Variants in CCDC192 observed in about 807,000 individuals in gnomAD.
CCDC192 encodes the protein coiled-coil domain-containing protein 192.
chr5:127,834,151 C>T (rs749989357), intron 5 of CCDC192, among the ~76,000 whole-genome samples: 8 of 152,120 alleles, frequency 5.3e-5, no homozygotes, highest in Non-Finnish European at 8.8e-5. Flanking sequence ...TGTACCTAGA[C>T]CCTTATCAGC....
chr5:127,853,696 T>C (rs1014117706), intron 5 of CCDC192, among the ~76,000 whole-genome samples: 1 of 151,992 alleles, frequency 6.6e-6, no homozygotes, highest in East Asian at 1.9e-4. Flanking sequence ...TTGCTTGAAC[T>C]TGGGAGGCAG....
At chr5:127,829,971 G>A (rs1749710590) in intron 5 of CCDC192, among the ~76,000 whole-genome samples, 1 of 152,084 alleles carries the variant, frequency 6.6e-6, no homozygotes, top group South Asian at 2.1e-4. Flanking sequence ...TTTGCATTGT[G>A]AAATGGAATG....
At chr5:127,898,887 A>G (rs1319351330) in intron 6 of CCDC192, among the ~76,000 whole-genome samples, 2 of 152,170 alleles carry the variant, frequency 1.3e-5, no homozygotes, top group African/African-American at 2.4e-5. Context: ...TAAGGTACAC[A>G]AGTCATATCT....
intron 5 of CCDC192, among the ~76,000 whole-genome samples, chr5:127,852,894 C>T (rs1750864341): frequency 6.6e-6 from 1 of 152,072 alleles, no homozygotes; most frequent in Admixed American, 6.5e-5. Context: ...TAGAGACCAT[C>T]CTGGCTAACA....
intron 6 of CCDC192, among the ~76,000 whole-genome samples, chr5:127,919,723 C>T (rs373900084): frequency 4.6e-5 from 7 of 152,250 alleles, no homozygotes; most frequent in East Asian, 1.9e-4. Context: ...AAAGCATCCT[C>T]TCCAAAATCA....
At chr5:127,866,939 GCA>G (rs1751639107) in intron 5 of CCDC192, among the ~76,000 whole-genome samples, 2 of 152,070 alleles carry the variant, frequency 1.3e-5, no homozygotes, top group African/African-American at 4.8e-5. Context: ...GCTGTTATAA[GCA>G]TCATTTCTCC....
chr5:127,827,518 T>A (rs1164425743), intron 5 of CCDC192, among the ~76,000 whole-genome samples: 1 of 152,226 alleles, frequency 6.6e-6, no homozygotes, highest in African/African-American at 2.4e-5. Flanking sequence ...ATTTTAAAGA[T>A]CTTGTAATTT....
chr5:127,887,310 C>CAG (rs929561170), intron 6 of CCDC192, among the ~76,000 whole-genome samples: 1 of 112,534 alleles, frequency 8.9e-6, no homozygotes, highest in Non-Finnish European at 1.7e-5. Flanking sequence ...GCCTGGGTAA[C>CAG]AGAGAGAGAC....
intron 5 of CCDC192, among the ~76,000 whole-genome samples, chr5:127,818,790 G>A (rs1186538130): frequency 6.6e-6 from 1 of 152,154 alleles, no homozygotes; most frequent in Non-Finnish European, 1.5e-5. Context: ...AGTTGAAAGA[G>A]CCTGGATGTT....
chr5:127,833,413 T>C (rs911193477), intron 5 of CCDC192, among the ~76,000 whole-genome samples: 2 of 152,190 alleles, frequency 1.3e-5, no homozygotes, highest in Non-Finnish European at 2.9e-5. Context: ...CTTCTTTGAA[T>C]GATCTCTTCT....
chr5:127,762,906 T>A (rs532052921), intron 3 of CCDC192, among the ~76,000 whole-genome samples: 11 of 152,352 alleles, frequency 7.2e-5, no homozygotes, highest in Non-Finnish European at 1.6e-4. Context: ...TCAATAAATA[T>A]TAATCGAGTT....
chr5:127,707,895 T>A (rs1326299334), intron 2 of CCDC192, 135 bp downstream of exon 2: 1 of 370,908 alleles, frequency 2.7e-6, no homozygotes, highest in East Asian at 3.8e-5. Flanking sequence ...ATTTTAGAAA[T>A]AAAACATAGA....
intron 1 of CCDC192, among the ~76,000 whole-genome samples, chr5:127,704,042 C>A (rs750771146): frequency 8.5e-5 from 13 of 152,212 alleles, no homozygotes; most frequent in Non-Finnish European, 1.5e-4. Flanking sequence ...ATTTCCCTTT[C>A]AAATGTGGAA....
At chr5:127,703,000 G>A (rs114543566), upstream of CCDC192, among the ~76,000 whole-genome samples, 689 of 152,344 alleles carry the variant, frequency 4.5e-3, 4 homozygotes, top group African/African-American at 0.016. Context: ...GCGGGTCCCA[G>A]GGAAAGCAGA....
chr5:127,921,111 A>AAGGAGAGGAAAGGACG (rs1753704917), intron 6 of CCDC192, among the ~76,000 whole-genome samples: 1 of 139,296 alleles, frequency 7.2e-6, no homozygotes, highest in African/African-American at 2.6e-5. Context: ...AGGAAAGGAA[A>AAGGAGAGGAAAGGACG]GGAGAAAGGA....
chr5:127,770,495 G>A (rs555937322), intron 3 of CCDC192, among the ~76,000 whole-genome samples: 92 of 152,304 alleles, frequency 6.0e-4, no homozygotes, highest in African/African-American at 2.0e-3. Flanking sequence ...GGACAGTGAG[G>A]CCTTTCTATC....
chr5:127,908,872 G>A (rs1359688178), intron 6 of CCDC192, among the ~76,000 whole-genome samples: 1 of 152,052 alleles, frequency 6.6e-6, no homozygotes, highest in Non-Finnish European at 1.5e-5. Context: ...CAGGTTTTGA[G>A]AAGAAAAAAT....
At chr5:127,770,748 C>T (rs1755503622) in intron 3 of CCDC192, among the ~76,000 whole-genome samples, 1 of 152,082 alleles carries the variant, frequency 6.6e-6, no homozygotes, top group African/African-American at 2.4e-5. Flanking sequence ...TGGCTTGTTT[C>T]CTTTTGAGAG....
At chr5:127,920,529 G>A (rs2127189132) in intron 6 of CCDC192, among the ~76,000 whole-genome samples, 1 of 148,456 alleles carries the variant, frequency 6.7e-6, no homozygotes, top group South Asian at 2.1e-4. Context: ...CTGCAAACTT[G>A]ACTCCTGAAT....
Sources: allele counts gnomAD v4.1 joint callset (sites outside exome capture counted in the v4.1 genomes callset), GRCh38; gene constraint gnomAD v4.1.1; transcripts MANE v1.5; gene names NCBI Gene and HGNC (gene_info 2026-07-23, HGNC 2026-07-21).